The following ADAM28 variants were observed in gnomAD, a reference collection of about 807,000 sequenced individuals.
The protein encoded by ADAM28 is ADAM metallopeptidase domain 28.
ADAM28 carries 105 observed loss-of-function variants against 101.2 expected under a neutral mutation model. The ratio of observed to expected loss-of-function variants is 1.04; its 90% CI spans 0.89 to 1.22. The LOEUF (loss-of-function observed/expected upper bound fraction) is 1.22. Among genes scored for constraint, ADAM28 ranks in the 50% most tolerant of loss-of-function variants. The probability of loss-of-function intolerance (pLI) is 0.00; values close to 1 mark genes in which losing one functional copy is unlikely to be tolerated. For missense variants in ADAM28, 1,028 were observed against 945.4 expected, an observed-to-expected ratio of 1.09 and a Z score of -1.15; for synonymous variants, 322 against 310.6, an observed-to-expected ratio of 1.04 and a Z score of -0.39.
At chr8:24,323,637 A>C (rs1812168015) in intron 8 of ADAM28, among the ~76,000 whole-genome samples, 197 bp from the exon 9 acceptor site, 1 of 151,966 alleles carries the variant, frequency 6.6e-6, no homozygotes, top group South Asian at 2.1e-4. Context: ...AAACTATCTT[A>C]GTGTATTTAT....
Position 24,313,599 on chromosome 8 carries a change from A to C in ADAM28, c.576+19A>C. 6.2e-7 allele frequency: 1 copy of C among 1,609,970 alleles called. No homozygotes were observed. The highest frequency in any genetic ancestry group is 8.5e-7 in the Non-Finnish European group (1 of 1,177,728). On this transcript the variant is annotated intron_variant, in intron 6 of 22. Coordinates refer to ENST00000265769, the MANE Select transcript of ADAM28 (RefSeq NM_014265.6). ...ACTAGTAGTATGTGTAACTTTATTT[A>C]TTTGAAATGCTCTCATGTATTCTGC... is the stretch of plus-strand genomic sequence containing the variant.
chr8:24,306,905 G>A (rs1053499708), intron 2 of ADAM28, among the ~76,000 whole-genome samples: 1 of 152,070 alleles, frequency 6.6e-6, no homozygotes, highest in African/African-American at 2.4e-5. Context: ...GCCCTGTTAG[G>A]GTTCTTGGGT....
At chr8:24,311,667 A>G (rs1472860156) in intron 5 of ADAM28, among the ~76,000 whole-genome samples, 1 of 152,206 alleles carries the variant, frequency 6.6e-6, no homozygotes, top group Non-Finnish European at 1.5e-5. Context: ...TTTAAAATAC[A>G]GGATTTTGAA....
At chr8:24,321,653 A>G (rs1440551519) in intron 8 of ADAM28, among the ~76,000 whole-genome samples, 2 of 152,024 alleles carry the variant, frequency 1.3e-5, no homozygotes, top group African/African-American at 4.8e-5. Context: ...CTGTCACAGT[A>G]GCATATTTCA....
Position 24,338,768 on chromosome 8 carries a change from G to A in ADAM28, c.1568-698G>A, listed in dbSNP as rs1814405949. ...TTGTTCTTGAAGAGAGGGTACCTCAGCACAGAGAAGGAACATAGGTCTTTC... is the reference window on the plus strand; with the variant it reads ...TTGTTCTTGAAGAGAGGGTACCTCAACACAGAGAAGGAACATAGGTCTTTC... On this transcript the variant is annotated intron_variant, in intron 14 of 22. Coordinates refer to ENST00000265769, the MANE Select transcript of ADAM28 (RefSeq NM_014265.6). Among the ~76,000 whole-genome samples, 3 of 152,132 alleles carry A rather than the reference G, an allele frequency of 2.0e-5. No individual in the cohort carries two copies. In the South Asian group the frequency reaches 6.2e-4, roughly 32 times the overall value.
At chr8:24,305,268 C>T (rs144220153) in intron 2 of ADAM28, among the ~76,000 whole-genome samples, 10 of 151,626 alleles carry the variant, frequency 6.6e-5, no homozygotes, top group Non-Finnish European at 1.2e-4. Context: ...TGAAATCGTG[C>T]GTCAGTCACA....
intron 6 of ADAM28, among the ~76,000 whole-genome samples, chr8:24,317,160 A>G (rs1173115592): frequency 5.9e-5 from 9 of 152,034 alleles, no homozygotes; most frequent in Non-Finnish European, 1.3e-4. Context: ...CCTTATAAAA[A>G]CCCCAATGAC....
At chr8:24,340,008 C>T (rs923062392) in intron 15 of ADAM28, among the ~76,000 whole-genome samples, 4 of 152,114 alleles carry the variant, frequency 2.6e-5, no homozygotes, top group South Asian at 4.2e-4. Flanking sequence ...GTTTTTTAAA[C>T]TTTCAGTAGA....
chr8:24,343,476 G>A, intron 17 of ADAM28, 30 bp from the exon 18 acceptor site: 1 of 1,608,606 alleles, frequency 6.2e-7, no homozygotes, highest in Non-Finnish European at 8.5e-7. Context: ...CAGCCTAGCG[G>A]GGACAGTAAC....
At chr8:24,322,479 A>C (rs1161354942) in intron 8 of ADAM28, 2 of 152,022 alleles carry the variant, frequency 1.3e-5, no homozygotes, top group Non-Finnish European at 2.9e-5. Context: ...TGTGCAGAAA[A>C]CTGCGTGTGA....
rs1813329657 is a variant in ADAM28, at chr8:24,331,310, G to C, written c.1264G>C (p.Asp422His). The C allele has an allele frequency of 2.5e-6, 4 of 1,607,492 alleles. No individual in the cohort carries two copies. The South Asian group carries it at 4.5e-5, about 18-fold the overall frequency. The change falls in exon 12 of 23, where the codon GAT (aspartate) becomes CAT (histidine). Residue 422 changes from aspartate to histidine, a missense_variant. Asp to His is a moderately conservative substitution (Grantham distance 81, BLOSUM62 -1). Transcript: ENST00000265769. ...NQLVEMGEDC[D>H]CGTSEECTNI... ...GTTGGTGGAAATGGGAGAGGACTGT[G>C]ATTGTGGGACATCTGAGGTATGGCC...
chr8:24,333,238 C>G (rs571240542), intron 13 of ADAM28, among the ~76,000 whole-genome samples: 1 of 152,070 alleles, frequency 6.6e-6, no homozygotes. Context: ...GGTTAAAGAT[C>G]TAATGTACAA....
intron 19 of ADAM28, 61 bp from the exon 20 acceptor site, chr8:24,351,171 T>A (rs1014003629): frequency 2.0e-5 from 26 of 1,323,666 alleles, no homozygotes; most frequent in Non-Finnish European, 2.7e-5. Context: ...TTCTACGGAG[T>A]TTCCCTGTCA....
intron 2 of ADAM28, among the ~76,000 whole-genome samples, chr8:24,302,524 C>A (rs1808921864): frequency 6.6e-6 from 1 of 152,194 alleles, no homozygotes; most frequent in African/African-American, 2.4e-5. Flanking sequence ...ACACCGTCTT[C>A]CACAACGGTT....
intron 2 of ADAM28, among the ~76,000 whole-genome samples, chr8:24,304,738 T>C (rs905680650): frequency 6.6e-5 from 10 of 151,710 alleles, no homozygotes; most frequent in African/African-American, 2.4e-4. Context: ...TGGTGGTGGG[T>C]ACCTCTAATC....
rs1051461618 is a variant in ADAM28 at position 24,309,951 on chromosome 8, C to T, written c.208C>T (p.Leu70Phe). ...GACAATTAATGGAAAAATTGCAGTGCTTTATTTGAAAAAAAACAAGTAAGT... is the reference window on the plus strand; with the variant it reads ...GACAATTAATGGAAAAATTGCAGTGTTTTATTTGAAAAAAAACAAGTAAGT... ...KMTINGKIAVLYLKKNKNLLA... is the reference protein window; with the variant it reads ...KMTINGKIAVFYLKKNKNLLA... Residue 70 changes from leucine to phenylalanine, a missense_variant, in exon 3 of 23, where the codon CTT (leucine) becomes TTT (phenylalanine). Leu to Phe is a conservative substitution (Grantham distance 22). Coordinates refer to ENST00000265769, the MANE Select transcript of ADAM28 (RefSeq NM_014265.6). 7 of 1,566,850 alleles carry T rather than the reference C, an allele frequency of 4.5e-6. No homozygotes were observed. The Admixed American group carries it at 1.0e-4, about 23-fold the overall frequency.
chr8:24,299,921 C>A, intron 1 of ADAM28, 53 bp from the exon 2 acceptor site: 1 of 1,419,212 alleles, frequency 7.0e-7, no homozygotes, highest in Non-Finnish European at 9.7e-7. Context: ...CCTTTACTGA[C>A]CAGCCTACTT....
In ADAM28 at chr8:24,353,766, G is replaced by T. The variant is rs1186410397; in HGVS notation, c.2245-4G>T. On this transcript the variant is annotated splice_polypyrimidine_tract_variant and splice_region_variant and intron_variant, in intron 21 of 22. Coordinates refer to ENST00000265769, the MANE Select transcript of ADAM28 (RefSeq NM_014265.6). ...CCATACCATTGTTTTTATAATTAAC[G>T]TAGCATAAAGACACAAACGCACTTC... 6.8e-7 allele frequency: 1 copy of T among 1,477,934 alleles called. No homozygotes were observed. Among genetic ancestry groups the T allele is most frequent in the Admixed American group, 1.7e-5 (1 of 59,530 alleles). The allele number at this position is 1,477,934 out of a possible 1,614,324, so 91.6% of individuals were successfully genotyped here.
Position 24,336,097 on chromosome 8 carries a change from T to C in ADAM28, c.1567+456T>C, listed in dbSNP as rs184026760. ...GAAGTACTGTGGGATGGGACAGAAATAAGAAAAGATGGAAAAAAGAAAAGA... is the reference window on the plus strand; with the variant it reads ...GAAGTACTGTGGGATGGGACAGAAACAAGAAAAGATGGAAAAAAGAAAAGA... On this transcript the variant is annotated intron_variant, in intron 14 of 22. Coordinates refer to ENST00000265769, the MANE Select transcript of ADAM28 (RefSeq NM_014265.6). 170 of 986,588 alleles carry C rather than the reference T, an allele frequency of 1.7e-4. 1 individual carries two copies. In the African/African-American group the frequency reaches 2.7e-3, roughly 16 times the overall value. The allele number at this position is 986,588 out of a possible 1,614,324, so 61.1% of individuals were successfully genotyped here.
Sources: gnomAD v4.1 joint callset for allele counts (sites outside exome capture counted in the v4.1 genomes callset) on GRCh38, gnomAD v4.1.1 for gene constraint, MANE v1.5 for transcripts, NCBI Gene and HGNC (gene_info 2026-07-23, HGNC 2026-07-21) for gene names.